SLC30A4: variants seen among roughly 807,000 people sequenced by gnomAD.
SLC30A4 encodes probable proton-coupled zinc antiporter SLC30A4.
A neutral mutation model predicts 41.7 loss-of-function variants in SLC30A4; 20 were observed. The ratio of observed to expected loss-of-function variants is 0.48; its 90% CI spans 0.34 to 0.70. The LOEUF (loss-of-function observed/expected upper bound fraction) is 0.70. SLC30A4 is among the 30% of genes least tolerant of loss of function. The probability of loss-of-function intolerance (pLI) is 0.01; values close to 1 mark genes in which losing one functional copy is unlikely to be tolerated. For missense variants in SLC30A4, 441 were observed against 529.3 expected (o/e 0.83, Z 1.64); for synonymous variants, 181 against 195.9 (o/e 0.92, Z 0.64).
chr15:45,488,428 C>A (rs1361674170), intron 5 of SLC30A4, among the ~76,000 whole-genome samples: 2 of 152,086 alleles, frequency 1.3e-5, no homozygotes, highest in African/African-American at 4.8e-5. Context: ...CAAAAATTAG[C>A]TGGGCATGGT....
intron 3 of SLC30A4, among the ~76,000 whole-genome samples, chr15:45,507,499 CT>C (rs527747375): frequency 0.079 from 10,803 of 136,396 alleles, 969 homozygotes; most frequent in African/African-American, 0.27. Context: ...TTTCTTTTTC[CT>C]TTTTTTTTTT....
chr15:45,486,750 T>C lies in SLC30A4; in HGVS notation c.1001-5A>G, dbSNP rs757905322. 2.9e-5 allele frequency: 41 copies of C among 1,436,494 alleles called. No individual in the cohort carries two copies. The highest frequency in any genetic ancestry group is 2.9e-5 in the Non-Finnish European group (31 of 1,073,530). The allele number at this position is 1,436,494 out of a possible 1,614,324, so 89.0% of individuals were successfully genotyped here. A position where few individuals can be genotyped will look rare whatever the true frequency, so the allele number is the denominator to read the frequency against. ...CATTCAAATGGCTTGGCACACCTAT[T>C]AGGAATATATAATTTCTAAGTAAAA... On this transcript the variant is annotated splice_region_variant and splice_polypyrimidine_tract_variant and intron_variant, in intron 6 of 7. Transcript: ENST00000261867.
At chr15:45,505,992 A>C (rs1892149439) in intron 3 of SLC30A4, among the ~76,000 whole-genome samples, 1 of 152,054 alleles carries the variant, frequency 6.6e-6, no homozygotes, top group Non-Finnish European at 1.5e-5. Context: ...CCAGCCTGGG[A>C]AACAGGCTGC....
At chr15:45,499,646 T>A (rs1473782884) in intron 3 of SLC30A4, among the ~76,000 whole-genome samples, 1 of 152,212 alleles carries the variant, frequency 6.6e-6, no homozygotes, top group African/African-American at 2.4e-5. Context: ...AAGAATGCTA[T>A]TCCTCCTGAG....
At chr15:45,514,804 C>T (rs1017751195) in intron 2 of SLC30A4, among the ~76,000 whole-genome samples, 3 of 151,904 alleles carry the variant, frequency 2.0e-5, no homozygotes, top group Non-Finnish European at 2.9e-5. Flanking sequence ...CATGAGCCAC[C>T]GTGCCTGGCC....
intron 3 of SLC30A4, among the ~76,000 whole-genome samples, chr15:45,504,646 T>C (rs1892111616): frequency 6.6e-6 from 1 of 152,254 alleles, no homozygotes; most frequent in Non-Finnish European, 1.5e-5. Flanking sequence ...TTTAAAATTA[T>C]TTCCAAAGAA....
chr15:45,511,762 C>A lies in SLC30A4; in HGVS notation c.392-478G>T, dbSNP rs527816562. Among the ~76,000 whole-genome samples, 3 of 152,336 alleles carry A rather than the reference C, an allele frequency of 2.0e-5. No individual in the cohort carries two copies. The East Asian group carries it at 5.8e-4, about 29-fold the overall frequency. On this transcript the variant is annotated intron_variant, in intron 2 of 7. Transcript: ENST00000261867. Reference sequence around the variant, plus strand: ...GCCTTGCAAGTGTTGGGATTATAGGCGTAAGCCAATGTGTCCAGCCAGAAT... The same window carrying A: ...GCCTTGCAAGTGTTGGGATTATAGGAGTAAGCCAATGTGTCCAGCCAGAAT...
intron 2 of SLC30A4, chr15:45,515,627 TG>T (rs1311292152): frequency 6.6e-6 from 1 of 152,052 alleles, no homozygotes; most frequent in Non-Finnish European, 1.5e-5. Context: ...CACTCCAGCC[TG>T]GGCGACAGTG....
chr15:45,507,934 G>A (rs1309353950), intron 3 of SLC30A4, among the ~76,000 whole-genome samples: 1 of 152,068 alleles, frequency 6.6e-6, no homozygotes, highest in Non-Finnish European at 1.5e-5. Context: ...AGAAGGATAG[G>A]GAAACTATCC....
intron 7 of SLC30A4, 91 bp downstream of exon 7, chr15:45,486,520 A>T (rs1891709241): frequency 8.5e-7 from 1 of 1,171,828 alleles, no homozygotes; most frequent in African/African-American, 1.6e-5. Context: ...TTCAGCAGAA[A>T]AGTCTTCCTA....
intron 6 of SLC30A4, 117 bp downstream of exon 6, chr15:45,487,410 A>G: frequency 1.8e-6 from 1 of 555,374 alleles, no homozygotes. Flanking sequence ...ACTGTTATAT[A>G]GCCTAAAAGG....
rs1892715421 is a variant in SLC30A4 at position 45,522,698 on chromosome 15, GAGTGGGGT to G, written c.-214_-207del. On this transcript the variant is annotated 5_prime_UTR_variant, in exon 1 of 8. Coordinates refer to ENST00000261867, the MANE Select transcript of SLC30A4 (RefSeq NM_013309.6). ...CGCTGCTCCACCCGCGGCCGCAGGA[GAGTGGGGT>G]CGTGCTCGCGCCCGCCGCGCCCGCT... The G allele has an allele frequency of 5.4e-6, 1 of 183,972 alleles. No individual in the cohort carries two copies. The highest frequency in any genetic ancestry group is 1.4e-4 in the East Asian group (1 of 6,962). 11.4% of individuals were successfully genotyped at this position (183,972 alleles called of 1,614,324 possible).
chr15:45,520,883 C>T (rs550062437), intron 2 of SLC30A4: 1 of 369,782 alleles, frequency 2.7e-6, no homozygotes, highest in East Asian at 7.6e-5. Flanking sequence ...ACAGTGAGGT[C>T]AAAAAATGTT....
intron 2 of SLC30A4, among the ~76,000 whole-genome samples, chr15:45,517,079 G>A (rs1396020282): frequency 6.6e-6 from 1 of 151,868 alleles, no homozygotes; most frequent in Non-Finnish European, 1.5e-5. Context: ...TCCAAAGGAT[G>A]TTTTAGTTCT....
At chr15:45,496,450 G>T (rs142027138) in intron 3 of SLC30A4, among the ~76,000 whole-genome samples, 2 of 152,260 alleles carry the variant, frequency 1.3e-5, no homozygotes, top group African/African-American at 4.8e-5. Flanking sequence ...GACAAAAGGA[G>T]TAAATTTCGG....
intron 2 of SLC30A4, among the ~76,000 whole-genome samples, chr15:45,511,491 C>CTT (rs553512428): frequency 6.7e-6 from 1 of 148,496 alleles, no homozygotes. Context: ...TTCTTTTTTT[C>CTT]TTTTTTTTTT....
chr15:45,498,038 A>G (rs567232334), intron 3 of SLC30A4, among the ~76,000 whole-genome samples: 2 of 152,340 alleles, frequency 1.3e-5, no homozygotes, highest in African/African-American at 2.4e-5. Flanking sequence ...TGCTAATGCT[A>G]TGATGCCAAT....
intron 2 of SLC30A4, among the ~76,000 whole-genome samples, chr15:45,514,690 T>C (rs1408288027): frequency 6.6e-6 from 1 of 151,662 alleles, no homozygotes; most frequent in African/African-American, 2.4e-5. Flanking sequence ...AATTTTTATA[T>C]TTTTAGTAGA....
intron 2 of SLC30A4, among the ~76,000 whole-genome samples, chr15:45,520,346 C>A (rs910272598): frequency 6.6e-6 from 1 of 151,908 alleles, no homozygotes; most frequent in African/African-American, 2.4e-5. Context: ...CTCGGCTCAC[C>A]ACAACTTCCG....
Sources: gnomAD v4.1 joint callset for allele counts (sites outside exome capture counted in the v4.1 genomes callset) on GRCh38, gnomAD v4.1.1 for gene constraint, MANE v1.5 for transcripts, NCBI Gene and HGNC (gene_info 2026-07-23, HGNC 2026-07-21) for gene names.